The following SYN3 variants were observed in gnomAD, a reference collection of about 807,000 sequenced individuals.
SYN3 encodes synapsin-3.
A neutral mutation model predicts 65.8 loss-of-function variants in SYN3; 35 were observed. The ratio of observed to expected loss-of-function variants is 0.53; its 90% CI spans 0.41 to 0.70. The LOEUF (loss-of-function observed/expected upper bound fraction) is 0.70. Among genes scored for constraint, SYN3 ranks in the 30% least tolerant of loss-of-function variants. The probability of loss-of-function intolerance (pLI) is 0.00; values close to 1 mark genes in which losing one functional copy is unlikely to be tolerated. For missense variants in SYN3, 680 were observed against 749.0 expected, an observed-to-expected ratio of 0.91 and a Z score of 1.08; for synonymous variants, 270 against 292.9, an observed-to-expected ratio of 0.92 and a Z score of 0.80.
At chr22:32,981,135 G>A (rs1373133840) in intron 2 of SYN3, among the ~76,000 whole-genome samples, 3 of 151,194 alleles carry the variant, frequency 2.0e-5, no homozygotes, top group African/African-American at 7.3e-5. Flanking sequence ...GATTACAGGC[G>A]TGAGCCACCG....
intron 6 of SYN3, among the ~76,000 whole-genome samples, chr22:32,695,579 C>T (rs2060724906): frequency 1.3e-5 from 2 of 152,164 alleles, no homozygotes; most frequent in African/African-American, 4.8e-5. Flanking sequence ...CCAGAAAGCC[C>T]CACAGATTCA....
chr22:32,854,499 G>A (rs930801257), intron 6 of SYN3, among the ~76,000 whole-genome samples: 5 of 152,162 alleles, frequency 3.3e-5, no homozygotes, highest in African/African-American at 9.7e-5. Context: ...GACCTAGAGC[G>A]AGTGCTTAGT....
At chr22:32,783,392 T>C (rs1252694988) in intron 6 of SYN3, among the ~76,000 whole-genome samples, 2 of 152,202 alleles carry the variant, frequency 1.3e-5, no homozygotes, top group Non-Finnish European at 2.9e-5. Flanking sequence ...GGCCCGGAGC[T>C]TCTGGTTTTT....
intron 6 of SYN3, chr22:32,857,148 C>T (rs373795734): frequency 4.2e-5 from 38 of 901,012 alleles, no homozygotes; most frequent in African/African-American, 1.5e-4. Flanking sequence ...TTCCATATTC[C>T]GATTTCCTTT....
intron 6 of SYN3, among the ~76,000 whole-genome samples, chr22:32,775,488 C>T (rs930328263): frequency 6.6e-6 from 1 of 152,162 alleles, no homozygotes; most frequent in Non-Finnish European, 1.5e-5. Context: ...AGGAGGGTGA[C>T]TGAGGCAAAA....
At chr22:32,813,881 G>A (rs186401567) in intron 6 of SYN3, among the ~76,000 whole-genome samples, 33 of 152,208 alleles carry the variant, frequency 2.2e-4, no homozygotes, top group African/African-American at 7.7e-4. Context: ...AGAATTCACA[G>A]ACACAATGGA....
chr22:32,835,176 T>C (rs1022435582), intron 6 of SYN3, among the ~76,000 whole-genome samples: 5 of 152,070 alleles, frequency 3.3e-5, no homozygotes, highest in Non-Finnish European at 7.4e-5. Flanking sequence ...GAGTGCACAG[T>C]AGAGAAAGGT....
At chr22:32,880,192 C>T (rs1601609594) in intron 4 of SYN3, among the ~76,000 whole-genome samples, 1 of 152,326 alleles carries the variant, frequency 6.6e-6, no homozygotes, top group East Asian at 1.9e-4. Context: ...CAGATGCTTG[C>T]AAAAGGCATT....
intron 4 of SYN3, among the ~76,000 whole-genome samples, chr22:32,879,480 T>C (rs2049068908): frequency 6.6e-6 from 1 of 152,160 alleles, no homozygotes; most frequent in Non-Finnish European, 1.5e-5. Context: ...ACCTGCTTTC[T>C]GGTTTGTAGA....
intron 8 of SYN3, among the ~76,000 whole-genome samples, chr22:32,541,016 A>G (rs2146235437): frequency 1.3e-5 from 2 of 152,296 alleles, no homozygotes; most frequent in South Asian, 4.1e-4. Context: ...GCTTTTTTAA[A>G]GTTTCTGATA....
rs999317516 is a variant in SYN3, at chr22:32,508,219, T to C, written c.*5473A>G. On this transcript the variant is annotated 3_prime_UTR_variant, in exon 14 of 14. Transcript: ENST00000358763. ...GATGACATTCCACCATTGTGATTTG[T>C]TCCTGCCCCACCTTAACTGAGTGAT... Among the ~76,000 whole-genome samples the C allele has an allele frequency of 5.3e-5, 8 of 152,118 alleles. No homozygotes were observed. The highest frequency in any genetic ancestry group is 2.9e-5 in the Non-Finnish European group (2 of 68,032).
intron 6 of SYN3, among the ~76,000 whole-genome samples, chr22:32,737,117 T>C (rs1054022989): frequency 1.3e-4 from 20 of 152,236 alleles, no homozygotes; most frequent in African/African-American, 4.8e-4. Context: ...CAATTGGAGC[T>C]GAGCTCCCAA....
chr22:32,598,779 C>T (rs1297375788), intron 6 of SYN3, among the ~76,000 whole-genome samples: 4 of 152,072 alleles, frequency 2.6e-5, no homozygotes, highest in Admixed American at 6.5e-5. Flanking sequence ...GAAACCACTG[C>T]GCCCAGCCAT....
chr22:32,924,688 A>G (rs1471409457), intron 4 of SYN3, among the ~76,000 whole-genome samples: 1 of 152,224 alleles, frequency 6.6e-6, no homozygotes. Context: ...TTCAAGAGGC[A>G]CTGCTATATT....
chr22:32,790,096 A>G (rs897188743), intron 6 of SYN3, among the ~76,000 whole-genome samples: 1 of 152,242 alleles, frequency 6.6e-6, no homozygotes, highest in Non-Finnish European at 1.5e-5. Flanking sequence ...TCACACAGTT[A>G]AGAAAAGGCA....
chr22:33,018,323 T>G (rs2053503588), intron 1 of SYN3, among the ~76,000 whole-genome samples: 1 of 152,100 alleles, frequency 6.6e-6, no homozygotes, highest in Non-Finnish European at 1.5e-5. Context: ...AAGGTGCGGA[T>G]GAGAGGGATT....
At chr22:32,537,060 A>C (rs1282025101) in intron 9 of SYN3, among the ~76,000 whole-genome samples, 1 of 152,060 alleles carries the variant, frequency 6.6e-6, no homozygotes, top group Admixed American at 6.5e-5. Context: ...TGCTCTGTCC[A>C]TTGCTATTGT....
rs751710119 is a variant in SYN3, at chr22:32,798,685, CT to C, written c.711+66229del. On this transcript the variant is annotated intron_variant, in intron 6 of 13. Transcript: ENST00000358763. ...AAGCAGGAGAGCCTGCATCTTCATTCTTTTTTTTTTTTTTTTTTTTTTTGGA... is the reference window on the plus strand; with the variant it reads ...AAGCAGGAGAGCCTGCATCTTCATTCTTTTTTTTTTTTTTTTTTTTTTGGA... Among the ~76,000 whole-genome samples the C allele has an allele frequency of 6.9e-3, 638 of 92,498 alleles. 2 individuals carry two copies. The highest frequency in any genetic ancestry group is 0.025 in the African/African-American group (541 of 21,780). 60.7% of individuals were successfully genotyped at this position (92,498 alleles called of 152,430 possible).
At chr22:32,901,445 T>A (rs1044059321) in intron 4 of SYN3, among the ~76,000 whole-genome samples, 1 of 152,216 alleles carries the variant, frequency 6.6e-6, no homozygotes, top group African/African-American at 2.4e-5. Context: ...CTAAAGAGAA[T>A]CTTGTCCCTC....
Sources: gnomAD v4.1 joint callset for allele counts (sites outside exome capture counted in the v4.1 genomes callset) on GRCh38, gnomAD v4.1.1 for gene constraint, MANE v1.5 for transcripts, NCBI Gene and HGNC (gene_info 2026-07-23, HGNC 2026-07-21) for gene names.